The following ADGRB1 variants were observed in gnomAD, a reference collection of about 807,000 sequenced individuals.
The protein encoded by ADGRB1 is adhesion G protein-coupled receptor B1, also known as brain-specific angiogenesis inhibitor 1.
A neutral mutation model predicts 175.7 loss-of-function variants in ADGRB1; 36 were observed. That is an observed-to-expected ratio of 0.20 (90% CI 0.16 to 0.27). The LOEUF is 0.27. Ranked by LOEUF, ADGRB1 falls within the 10% of genes least tolerant of loss-of-function variation. The pLI, the probability that ADGRB1 is intolerant of heterozygous loss-of-function variation, is 1.00. For synonymous variants in ADGRB1, 1,054 were observed against 979.4 expected, an observed-to-expected ratio of 1.08 and a Z score of -1.42; for missense variants, 1,731 against 2,255.3, an observed-to-expected ratio of 0.77 and a Z score of 4.71.
chr8:142,519,600 A>G (rs1255599045), intron 19 of ADGRB1, among the ~76,000 whole-genome samples: 88 of 115,530 alleles, frequency 7.6e-4, no homozygotes, highest in African/African-American at 1.3e-3. Context: ...TGTGGTGGTG[A>G]TGGTAGTGAT....
intron 13 of ADGRB1, among the ~76,000 whole-genome samples, chr8:142,485,616 G>C (rs1197833719): frequency 6.6e-6 from 1 of 152,230 alleles, no homozygotes. Context: ...ACCAGGATCA[G>C]CTGAGCTTTG....
At position 142,542,541 on chromosome 8, in the gene ADGRB1, C is replaced by A. The variant is rs1845339628; in HGVS notation, c.4307C>A (p.Pro1436His). ...LPPPPNLEPAPPSLGDPGEPA... is the reference protein window; with the variant it reads ...LPPPPNLEPAHPSLGDPGEPA... ...CCACCGCCCAATCTGGAGCCGGCAC[C>A]CCCCAGCCTGGGGGATCCCGGGGAG... Residue 1436 changes from proline to histidine, a missense_variant, in exon 28 of 31, where the codon CCC becomes CAC. This residue lies in a region of ADGRB1 where 394 missense variants were observed against 410.2 expected (regional missense o/e 0.96). Coordinates refer to ENST00000517894, the MANE Select transcript of ADGRB1 (RefSeq NM_001702.3). The surrounding 1 kb of genome is among the most constrained non-coding windows in gnomAD (Gnocchi z 6.3). The A allele has an allele frequency of 2.0e-6, 3 of 1,515,918 alleles. No homozygotes were observed. The highest frequency in any genetic ancestry group is 2.6e-6 in the Non-Finnish European group (3 of 1,133,046). 93.9% of individuals were successfully genotyped at this position (1,515,918 alleles called of 1,614,324 possible). A position where few individuals can be genotyped will look rare whatever the true frequency, so the allele number is the denominator to read the frequency against.
intron 18 of ADGRB1, among the ~76,000 whole-genome samples, chr8:142,517,716 G>A (rs1410481265): frequency 6.6e-6 from 1 of 152,128 alleles, no homozygotes; most frequent in South Asian, 2.1e-4. Context: ...GAGTCAAAGC[G>A]GCTGCTGCCC....
chr8:142,528,782 C>A (rs1306075517), intron 24 of ADGRB1, among the ~76,000 whole-genome samples: 1 of 152,216 alleles, frequency 6.6e-6, no homozygotes, highest in Admixed American at 6.5e-5. Context: ...CCACTCCCGT[C>A]CCCCCGATCC....
chr8:142,535,389 G>A (rs896863395), intron 25 of ADGRB1, among the ~76,000 whole-genome samples: 27 of 152,224 alleles, frequency 1.8e-4, no homozygotes, highest in Non-Finnish European at 3.1e-4. Flanking sequence ...GGACACCAGG[G>A]CCAGACTTCC....
At chr8:142,517,662 G>T (rs947763043) in intron 18 of ADGRB1, among the ~76,000 whole-genome samples, 1 of 152,124 alleles carries the variant, frequency 6.6e-6, no homozygotes, top group African/African-American at 2.4e-5. Flanking sequence ...TGGGTGTGGG[G>T]TGTCAGGGCC....
In ADGRB1 at chr8:142,464,245, CGCTGCTACT is replaced by C. The variant is rs1840120856; in HGVS notation, c.54_62del (p.Leu22_Leu24del). On this transcript the variant is annotated inframe_deletion, in exon 2 of 31. Coordinates refer to ENST00000517894, the MANE Select transcript of ADGRB1 (RefSeq NM_001702.3). ...CCGGGCCCCGTCTGGATCCTCGCCC[CGCTGCTACT>C]GCTGCTGCTGCTGCTGGGACGCCGC... 2 of 1,340,318 alleles carry C rather than the reference CGCTGCTACT, an allele frequency of 1.5e-6. No individual in the cohort carries two copies. The highest frequency in any genetic ancestry group is 4.1e-5 in the Admixed American group (1 of 24,212). The allele number at this position is 1,340,318 out of a possible 1,614,324, so 83.0% of individuals were successfully genotyped here. A position where few individuals can be genotyped will look rare whatever the true frequency, so the allele number is the denominator to read the frequency against.
At chr8:142,530,618 G>A (rs961037363) in intron 24 of ADGRB1, among the ~76,000 whole-genome samples, 36 of 152,190 alleles carry the variant, frequency 2.4e-4, no homozygotes, top group African/African-American at 8.0e-4. Context: ...GAGCAAGCCC[G>A]GAGCTGGGGC....
At chr8:142,466,515 G>C (rs1840284952) in intron 2 of ADGRB1, among the ~76,000 whole-genome samples, 1 of 152,212 alleles carries the variant, frequency 6.6e-6, no homozygotes, top group South Asian at 2.1e-4. Flanking sequence ...CAGCGCCCCT[G>C]GGCAGTGGGG....
Position 142,542,607 on chromosome 8 carries a change from A to G in ADGRB1, c.4373A>G (p.Lys1458Arg). The change falls in exon 28 of 31, where the codon AAG (lysine) becomes AGG (arginine). Residue 1458 changes from lysine (K) to arginine (R), a missense_variant. Physicochemically the swap from Lys to Arg is conservative, Grantham distance 26 (BLOSUM62 2). Transcript: ENST00000517894. The surrounding 1 kb of genome is among the most constrained non-coding windows in gnomAD (Gnocchi z 6.3). ...GGACCCAGCACGGGGCCCAGCACCA[A>G]GAACGAGAATGTCGCCACCTTGTCT... ...HPGPSTGPST[K>R]NENVATLSVS... is the part of the protein sequence containing the mutation. The G allele has an allele frequency of 1.3e-6, 2 of 1,551,130 alleles. No homozygotes were observed. Among genetic ancestry groups the G allele is most frequent in the Non-Finnish European group, 1.7e-6 (2 of 1,148,464 alleles).
rs1275209655 is a variant in ADGRB1 at position 142,500,382 on chromosome 8, CGCGCCGCTCCTCCCCCGCCCCCT to C, written c.2675+9568_2675+9590del. Reference sequence around the variant, plus strand: ...CCCGCGCCTTTCCTCCCCTGCCCCCCGCGCCGCTCCTCCCCCGCCCCCTACACCGCTCCTCCACCACCCCCCCA... The same window carrying C: ...CCCGCGCCTTTCCTCCCCTGCCCCCCACACCGCTCCTCCACCACCCCCCCA... On this transcript the variant is annotated intron_variant, in intron 17 of 30. Coordinates refer to ENST00000517894, the MANE Select transcript of ADGRB1 (RefSeq NM_001702.3). Among the ~76,000 whole-genome samples, 133 of 98,210 alleles carry C rather than the reference CGCGCCGCTCCTCCCCCGCCCCCT, an allele frequency of 1.4e-3. 19 individuals carry two copies. Among genetic ancestry groups the C allele is most frequent in the African/African-American group, 6.8e-3 (129 of 19,002 alleles). The allele number at this position is 98,210 out of a possible 152,430, so 64.4% of individuals were successfully genotyped here. A position where few individuals can be genotyped will look rare whatever the true frequency, so the allele number is the denominator to read the frequency against.
chr8:142,503,946 G>A (rs879605037), intron 17 of ADGRB1, among the ~76,000 whole-genome samples: 15 of 152,150 alleles, frequency 9.9e-5, no homozygotes, highest in Admixed American at 3.9e-4. Flanking sequence ...TGGACCTGTC[G>A]GTGCTGAGGG....
At chr8:142,483,860 C>T (rs1160461351) in intron 11 of ADGRB1, 117 bp from the exon 12 acceptor site, 70 of 1,084,220 alleles carry the variant, frequency 6.5e-5, no homozygotes, top group Non-Finnish European at 2.2e-5. Context: ...GAGCCCTGAT[C>T]CTGGTCACAT....
chr8:142,489,777 A>G (rs1208897577), intron 16 of ADGRB1, among the ~76,000 whole-genome samples: 2 of 151,980 alleles, frequency 1.3e-5, no homozygotes, highest in Non-Finnish European at 2.9e-5. Context: ...CCTGGCCACC[A>G]AGAAGCTGGG....
At chr8:142,517,396 G>A (rs986272267) in intron 18 of ADGRB1, among the ~76,000 whole-genome samples, 1 of 152,236 alleles carries the variant, frequency 6.6e-6, no homozygotes, top group Non-Finnish European at 1.5e-5. Flanking sequence ...CTGCCTCTGA[G>A]CAGGGCAGAG....
chr8:142,502,353 A>AT (rs1263280278), intron 17 of ADGRB1, among the ~76,000 whole-genome samples: 3 of 18,834 alleles, frequency 1.6e-4, no homozygotes, highest in Non-Finnish European at 2.2e-4. Flanking sequence ...GGTGATGGGG[A>AT]GGTGGTAGTA....
chr8:142,503,637 G>A (rs559011595), intron 17 of ADGRB1, among the ~76,000 whole-genome samples: 8 of 152,228 alleles, frequency 5.3e-5, no homozygotes, highest in African/African-American at 1.7e-4. Flanking sequence ...GCAGGTGCGG[G>A]TCTGCAGGAC....
chr8:142,529,518 G>A (rs1005103943), intron 24 of ADGRB1, among the ~76,000 whole-genome samples: 1 of 152,172 alleles, frequency 6.6e-6, no homozygotes, highest in African/African-American at 2.4e-5. Context: ...GTGTACATGT[G>A]TAAGAGTGTG....
intron 25 of ADGRB1, among the ~76,000 whole-genome samples, chr8:142,534,773 C>G (rs1013099431): frequency 2.0e-5 from 3 of 152,198 alleles, no homozygotes; most frequent in African/African-American, 7.2e-5. Flanking sequence ...CCTCAGTGGC[C>G]CCTTCTTATC....
Sources: gnomAD v4.1 joint callset for allele counts (sites outside exome capture counted in the v4.1 genomes callset) on GRCh38, gnomAD v4.1.1 for gene constraint, gnomAD v4.1.1 regional missense constraint, Gnocchi (gnomAD v3.1) non-coding constraint, MANE v1.5 for transcripts, NCBI Gene and HGNC (gene_info 2026-07-23, HGNC 2026-07-21) for gene names.